The following IRAG2 variants were observed in gnomAD, a reference collection of about 807,000 sequenced individuals.
IRAG2 encodes inositol 1,4,5-triphosphate receptor associated 2, also known as lymphoid restricted membrane protein.
A neutral mutation model predicts 69.9 loss-of-function variants in IRAG2; 45 were observed. The ratio of observed to expected loss-of-function variants is 0.64; its 90% CI spans 0.51 to 0.83. IRAG2 has a LOEUF of 0.83. Ranked by LOEUF, IRAG2 falls within the 40% of genes least tolerant of loss-of-function variation. The pLI, the probability that IRAG2 is intolerant of heterozygous loss-of-function variation, is 0.00. For synonymous variants in IRAG2, 193 were observed against 202.4 expected (o/e 0.95, Z 0.40); for missense variants, 520 against 587.0 (o/e 0.89, Z 1.18).
chr12:25,062,445 A>G (rs1411714204), intron 2 of IRAG2, among the ~76,000 whole-genome samples: 1 of 152,240 alleles, frequency 6.6e-6, no homozygotes, highest in Non-Finnish European at 1.5e-5. Context: ...TAATATAACT[A>G]TGATAGATGT....
chr12:25,038,167 T>C, intron 16 of IRAG2: 1 of 398,588 alleles, frequency 2.5e-6, no homozygotes, highest in Middle Eastern at 6.3e-4. Context: ...AAGAAATCCA[T>C]GCTTTATATA....
chr12:25,083,464 A>G lies in IRAG2; in HGVS notation c.286A>G (p.Thr96Ala). ...AHDNIAFQDS[T>A]SKDKTILNLE... ...TGATAATATTGCATTCCAAGACTCT[A>G]CGAGTAAGGATAAAACCATATTAAA... Residue 96 changes from threonine (T) to alanine (A), a missense_variant, in exon 10 of 22, where the codon ACG becomes GCG. Transcript: ENST00000556887. 1 of 1,611,272 alleles carries G rather than the reference A, an allele frequency of 6.2e-7. No homozygotes were observed. Among genetic ancestry groups the G allele is most frequent in the Non-Finnish European group, 8.5e-7 (1 of 1,177,454 alleles).
At chr12:25,040,301 G>A (rs1432046554) in intron 16 of IRAG2, among the ~76,000 whole-genome samples, 7 of 152,182 alleles carry the variant, frequency 4.6e-5, no homozygotes, top group Non-Finnish European at 8.8e-5. Context: ...TTGAGCCTGG[G>A]AGTTCAGACC....
chr12:25,011,264 T>C (rs1306392788), intron 2 of IRAG2: 2 of 990,702 alleles, frequency 2.0e-6, no homozygotes, highest in African/African-American at 1.7e-5. Context: ...GCCAGGGTTA[T>C]ATATCATGTT....
Position 25,020,761 on chromosome 12 carries a change from C to T in IRAG2, c.1215-29C>T, listed in dbSNP as rs141642413. On this transcript the variant is annotated intron_variant, in intron 6 of 38. Coordinates refer to the IRAG2 transcript ENST00000636465. ...TTTGACGGTTATATTTGAGGTTTTG[C>T]TCATGGCCTTCTCCCCCCACCCCCA... 8,586 of 1,089,754 alleles carry T rather than the reference C, an allele frequency of 7.9e-3. 55 individuals are homozygous for T. The highest frequency in any genetic ancestry group is 0.025 in the Middle Eastern group (73 of 2,974). The allele number at this position is 1,089,754 out of a possible 1,614,324, so 67.5% of individuals were successfully genotyped here. A position where few individuals can be genotyped will look rare whatever the true frequency, so the allele number is the denominator to read the frequency against.
chr12:25,029,089 C>A (rs569488427), intron 9 of IRAG2, among the ~76,000 whole-genome samples: 1 of 152,262 alleles, frequency 6.6e-6, no homozygotes, highest in East Asian at 1.9e-4. Flanking sequence ...CCACCATGCC[C>A]AGTTAATTTA....
chr12:25,076,406 C>A (rs548891341), intron 6 of IRAG2: 194 of 977,808 alleles, frequency 2.0e-4, no homozygotes, highest in Non-Finnish European at 2.3e-4. Flanking sequence ...CAAAAGAAGG[C>A]CTTACACAGA....
At position 25,101,185 on chromosome 12, in the gene IRAG2, G is replaced by T; in HGVS notation, c.749G>T (p.Arg250Leu). 1 of 1,595,470 alleles carries T rather than the reference G, an allele frequency of 6.3e-7. No individual in the cohort carries two copies. Among genetic ancestry groups the T allele is most frequent in the Non-Finnish European group, 8.5e-7 (1 of 1,170,560 alleles). Residue 250 changes from arginine (R) to leucine (L), a missense_variant, in exon 16 of 22, where the codon CGG becomes CTG. Coordinates refer to ENST00000556887, the MANE Select transcript of IRAG2 (RefSeq NM_001366544.2). ...CGTTTTTTCTCTTGCTAGGAAAGCCGGGTTAGTAAAGCAGTTGAAGTGATG... is the reference window on the plus strand; with the variant it reads ...CGTTTTTTCTCTTGCTAGGAAAGCCTGGTTAGTAAAGCAGTTGAAGTGATG... ...EMLGAINQESRVSKAVEVMIQ... is the reference protein window; with the variant it reads ...EMLGAINQESLVSKAVEVMIQ...
At chr12:25,010,937 A>C (rs747802714) in intron 2 of IRAG2, among the ~76,000 whole-genome samples, 1 of 152,242 alleles carries the variant, frequency 6.6e-6, no homozygotes, top group Admixed American at 6.5e-5. Context: ...TTGAGATTGA[A>C]ATTTTAACTA....
In IRAG2 at chr12:25,037,979, C is replaced by T. The variant is rs1259436977; in HGVS notation, c.1986C>T (p.Phe662=). 6 of 398,680 alleles carry T rather than the reference C, an allele frequency of 1.5e-5. No homozygotes were observed. The East Asian group carries it at 2.1e-4, about 14-fold the overall frequency. The allele number at this position is 398,680 out of a possible 1,614,324, so 24.7% of individuals were successfully genotyped here. ...TTTTGTGACTTTTCTTGTAGGAATTCAACAATATCATGGAAGAGAAGCTAG... is the reference window on the plus strand; with the variant it reads ...TTTTGTGACTTTTCTTGTAGGAATTTAACAATATCATGGAAGAGAAGCTAG... The change falls in exon 16 of 39, where the codon TTC becomes TTT. Residue 662 remains phenylalanine (F), a synonymous_variant. Transcript: ENST00000636465.
At chr12:25,079,200 A>T in intron 6 of IRAG2, 44 bp from the exon 7 acceptor site, 3 of 1,604,992 alleles carry the variant, frequency 1.9e-6, no homozygotes, top group African/African-American at 1.3e-5. Context: ...TGGAATGGAA[A>T]ATGTCAAATT....
intron 10 of IRAG2, 88 bp downstream of exon 10, chr12:25,083,581 T>C: frequency 1.3e-6 from 1 of 762,454 alleles, no homozygotes; most frequent in East Asian, 2.6e-5. Flanking sequence ...AAAAGTATTA[T>C]CTCATTTATC....
At chr12:25,019,403 C>T (rs1166468045) in intron 6 of IRAG2, among the ~76,000 whole-genome samples, 1 of 152,094 alleles carries the variant, frequency 6.6e-6, no homozygotes, top group African/African-American at 2.4e-5. Flanking sequence ...AAGTGGCTCT[C>T]AGCAGGATGG....
chr12:25,084,890 T>C (rs1453532947), intron 10 of IRAG2, among the ~76,000 whole-genome samples: 1 of 152,238 alleles, frequency 6.6e-6, no homozygotes, highest in Non-Finnish European at 1.5e-5. Context: ...TATAACCTAA[T>C]GAAACGGGAG....
chr12:25,101,275 A>C lies in IRAG2; in HGVS notation c.839A>C (p.Lys280Thr). The C allele has an allele frequency of 6.2e-7, 1 of 1,611,464 alleles. No individual in the cohort carries two copies. The highest frequency in any genetic ancestry group is 8.5e-7 in the Non-Finnish European group (1 of 1,178,242). The change falls in exon 16 of 22, where the codon AAA becomes ACA. Residue 280 changes from lysine (K) to threonine (T), a missense_variant. Physicochemically the swap from Lys to Thr is moderately conservative, Grantham distance 78 (BLOSUM62 -1). Coordinates refer to ENST00000556887, the MANE Select transcript of IRAG2 (RefSeq NM_001366544.2). ...AKEHAELEEL[K>T]QVLLQNERSF... Reference sequence around the variant, plus strand: ...GAGCACGCTGAATTAGAAGAACTGAAACAGGTTCTTCTGCAGAATGAAAGG... The same window carrying C: ...GAGCACGCTGAATTAGAAGAACTGACACAGGTTCTTCTGCAGAATGAAAGG...
chr12:25,033,989 ACC>A (rs1944687871), intron 13 of IRAG2: 1 of 398,800 alleles, frequency 2.5e-6, no homozygotes, highest in Admixed American at 4.4e-5. Context: ...AAAGATAACT[ACC>A]CCATGTGATA....
intron 16 of IRAG2, among the ~76,000 whole-genome samples, chr12:25,041,878 T>A (rs699056): frequency 0.94 from 141,892 of 150,344 alleles, 67,533 homozygotes; most frequent in East Asian, 1. Flanking sequence ...GTGACCCATT[T>A]AAAAAAAAGA....
At chr12:25,010,368 T>C (rs1420393446) in intron 2 of IRAG2, among the ~76,000 whole-genome samples, 1 of 151,980 alleles carries the variant, frequency 6.6e-6, no homozygotes, top group African/African-American at 2.4e-5. Flanking sequence ...TCCCAGCTAC[T>C]AGGGAGGCTG....
intron 6 of IRAG2, among the ~76,000 whole-genome samples, chr12:25,070,254 G>A (rs1946251608): frequency 6.6e-6 from 1 of 152,130 alleles, no homozygotes; most frequent in Admixed American, 6.5e-5. Context: ...GTACCCATTG[G>A]TAGTCTCTCC....
Sources: allele counts gnomAD v4.1 joint callset (sites outside exome capture counted in the v4.1 genomes callset), GRCh38; gene constraint gnomAD v4.1.1; transcripts MANE v1.5; gene names NCBI Gene and HGNC (gene_info 2026-07-23, HGNC 2026-07-21).